REV3L: variants seen among roughly 807,000 people sequenced by gnomAD.
REV3L encodes DNA polymerase zeta catalytic subunit.
REV3L carries 69 observed loss-of-function variants against 299.4 expected under a neutral mutation model. The observed-to-expected ratio is 0.23, with a 90% CI of 0.19 to 0.28. The LOEUF (loss-of-function observed/expected upper bound fraction) is 0.28. REV3L is among the 10% of genes least tolerant of loss of function. The probability of loss-of-function intolerance (pLI) is 1.00; values close to 1 mark genes in which losing one functional copy is unlikely to be tolerated. For synonymous variants in REV3L, 1,238 were observed against 1,271.4 expected (o/e 0.97, Z 0.56); for missense variants, 3,128 against 3,693.8 (o/e 0.85, Z 3.97).
intron 1 of REV3L, among the ~76,000 whole-genome samples, chr6:111,440,226 T>G (rs184521723): frequency 6.6e-6 from 1 of 152,050 alleles, no homozygotes; most frequent in Non-Finnish European, 1.5e-5. Context: ...TGCGCCACCA[T>G]GCCCGGCTAA....
rs1228032232 is a variant in REV3L, at chr6:111,408,638, AAAACAAAAC to A, written c.404+2833_404+2841del. On this transcript the variant is annotated intron_variant, in intron 3 of 31. Coordinates refer to ENST00000368802, the MANE Select transcript of REV3L (RefSeq NM_001372078.1). Reference sequence around the variant, plus strand: ...AAAACAAAACAAAACAAAACAAAACAAAACAAAACAAAAACAACATTATTGAGAACACTA... The same window carrying A: ...AAAACAAAACAAAACAAAACAAAACAAAAAACAACATTATTGAGAACACTA... 2.5e-3 allele frequency among the ~76,000 whole-genome samples: 373 copies of A among 150,996 alleles called. 10 individuals are homozygous for A. The East Asian group carries it at 0.051, about 20-fold the overall frequency.
chr6:111,354,229 C>T (rs572483937), intron 18 of REV3L: 17 of 152,288 alleles, frequency 1.1e-4, no homozygotes, highest in African/African-American at 3.9e-4. Flanking sequence ...CTTCTAATTT[C>T]TTCATCTGAA....
At chr6:111,451,902 A>AAAAGATAC (rs1209325699) in intron 1 of REV3L, among the ~76,000 whole-genome samples, 2 of 152,134 alleles carry the variant, frequency 1.3e-5, no homozygotes, top group East Asian at 3.8e-4. Context: ...TTGACTCTTC[A>AAAAGATAC]AAAGATACCA....
In REV3L at chr6:111,300,166, TAA is replaced by T. The variant is rs1771319727; in HGVS notation, c.9253-12_9253-11del. ...TACAGTTCTTGCATATCTGAAAGCATAAGAGAAATACAAAAAATAATAGGAAA... is the reference window on the plus strand; with the variant it reads ...TACAGTTCTTGCATATCTGAAAGCATGAGAAATACAAAAAATAATAGGAAA... On this transcript the variant is annotated splice_polypyrimidine_tract_variant and intron_variant, in intron 31 of 31. Transcript: ENST00000368802. 6.4e-7 allele frequency: 1 copy of T among 1,552,140 alleles called. No individual in the cohort carries two copies. Among genetic ancestry groups the T allele is most frequent in the Non-Finnish European group, 8.7e-7 (1 of 1,154,424 alleles).
chr6:111,454,998 A>G (rs1790003889), intron 1 of REV3L, among the ~76,000 whole-genome samples: 1 of 152,170 alleles, frequency 6.6e-6, no homozygotes, highest in Admixed American at 6.5e-5. Context: ...TGTGTAGGCA[A>G]TAAGCACTAA....
chr6:111,474,072 T>C (rs984905443), intron 1 of REV3L, among the ~76,000 whole-genome samples: 17 of 152,202 alleles, frequency 1.1e-4, no homozygotes, highest in Non-Finnish European at 4.4e-5. Flanking sequence ...AATTATCATA[T>C]TTTCTAATTA....
chr6:111,479,700 T>C (rs1044501978), intron 1 of REV3L, among the ~76,000 whole-genome samples: 3 of 151,968 alleles, frequency 2.0e-5, no homozygotes, highest in Admixed American at 6.6e-5. Context: ...TTTGTTTGTT[T>C]TGTACAGACT....
chr6:111,356,048 T>C (rs1332646676), intron 18 of REV3L, among the ~76,000 whole-genome samples: 1 of 152,210 alleles, frequency 6.6e-6, no homozygotes. Context: ...TTAACCCATC[T>C]GGGATTCAAT....
At chr6:111,345,484 A>G (rs1223722451) in intron 20 of REV3L, among the ~76,000 whole-genome samples, 1 of 152,208 alleles carries the variant, frequency 6.6e-6, no homozygotes, top group Non-Finnish European at 1.5e-5. Flanking sequence ...ATGTGGGAAG[A>G]AAATAAAGAT....
At position 111,367,709 on chromosome 6, in the gene REV3L, G is replaced by A; in HGVS notation, c.6079C>T (p.Pro2027Ser). ...ERSKKLPKTK[P>S]TGVVKSAENF... ...TCAGCAGATTTTACAACTCCAGTTG[G>A]CTTGGTTTTAGGCAGTTTCTTGGAA... The change falls in exon 14 of 32, where the codon CCA becomes TCA. Residue 2027 changes from proline to serine, a missense_variant. By Grantham distance (74) the Pro-to-Ser change is moderately conservative. Around this residue, in one of 9 missense-constraint regions of REV3L, gnomAD observed 2,409 missense variants for 2,611.8 expected, o/e 0.92. Coordinates refer to ENST00000368802, the MANE Select transcript of REV3L (RefSeq NM_001372078.1). The A allele has an allele frequency of 6.2e-7, 1 of 1,614,150 alleles. No individual in the cohort carries two copies. Among genetic ancestry groups the A allele is most frequent in the South Asian group, 1.1e-5 (1 of 91,086 alleles).
chr6:111,328,972 G>A (rs1407569253), intron 25 of REV3L, among the ~76,000 whole-genome samples: 1 of 152,132 alleles, frequency 6.6e-6, no homozygotes, highest in African/African-American at 2.4e-5. Flanking sequence ...TCACCATGTT[G>A]CCCAGGCTGG....
At position 111,375,122 on chromosome 6, in the gene REV3L, T is replaced by C; in HGVS notation, c.3233A>G (p.Lys1078Arg). 1 of 1,609,698 alleles carries C rather than the reference T, an allele frequency of 6.2e-7. No individual in the cohort carries two copies. Among genetic ancestry groups the C allele is most frequent in the Non-Finnish European group, 8.5e-7 (1 of 1,178,890 alleles). The change falls in exon 13 of 32, where the codon AAA becomes AGA. Residue 1078 changes from lysine to arginine, a missense_variant. Transcript: ENST00000368802. ...ENIKRTLSFR[K>R]KRSHAILSPP... is the part of the protein sequence containing the mutation. The stretch of plus-strand genomic sequence containing the variant: ...AGAAAGAATAGCATGTGACCGTTTT[T>C]TCCTGAAAGACAAAGTTCTTTTAAT...
At chr6:111,467,816 C>T (rs1791690728) in intron 1 of REV3L, among the ~76,000 whole-genome samples, 1 of 152,086 alleles carries the variant, frequency 6.6e-6, no homozygotes, top group Non-Finnish European at 1.5e-5. Context: ...ACGAATCCCT[C>T]ACAGATACTA....
chr6:111,322,452 T>G, intron 26 of REV3L, 117 bp downstream of exon 26: 2 of 736,122 alleles, frequency 2.7e-6, no homozygotes, highest in Non-Finnish European at 4.8e-6. Context: ...TCGTAAGGAC[T>G]GGAAAGGACT....
intron 1 of REV3L, among the ~76,000 whole-genome samples, chr6:111,419,047 T>G (rs1029492685): frequency 6.6e-6 from 1 of 152,162 alleles, no homozygotes; most frequent in Non-Finnish European, 1.5e-5. Context: ...CATGGGTGTG[T>G]GGGGTTGAGA....
Position 111,375,422 on chromosome 6 carries a change from T to C in REV3L, c.2933A>G (p.Tyr978Cys). 1 of 1,598,708 alleles carries C rather than the reference T, an allele frequency of 6.3e-7. No homozygotes were observed. Among genetic ancestry groups the C allele is most frequent in the Non-Finnish European group, 8.5e-7 (1 of 1,175,204 alleles). Residue 978 changes from tyrosine (Y) to cysteine (C), a missense_variant, in exon 13 of 32, where the codon TAT becomes TGT. Physicochemically the swap from Tyr to Cys is radical, Grantham distance 194 (BLOSUM62 -2). Transcript: ENST00000368802. ...CCCTCTAAATCTATTAATAATAATA[T>C]ACTTTATGATGACAGGGGGCAGCTT... ...SKKLPPVIIK[Y>C]IIINRFRGRK...
chr6:111,434,459 A>C (rs1222148027), intron 1 of REV3L, among the ~76,000 whole-genome samples: 1 of 147,476 alleles, frequency 6.8e-6, no homozygotes, highest in African/African-American at 2.5e-5. Context: ...ATAAAAATAC[A>C]AAAAAAAAAA....
chr6:111,444,507 G>T (rs1454328316), intron 1 of REV3L, among the ~76,000 whole-genome samples: 1 of 152,026 alleles, frequency 6.6e-6, no homozygotes, highest in Non-Finnish European at 1.5e-5. Context: ...AATATATAAA[G>T]AACTCCTACA....
At position 111,373,991 on chromosome 6, in the gene REV3L, G is replaced by A. The variant is rs1780048649; in HGVS notation, c.4364C>T (p.Pro1455Leu). ...CAAGGAAGTTACAAAGCAATTATTAGGCATTTGGCTTTCCTCTGAAGCTGT... is the reference window on the plus strand; with the variant it reads ...CAAGGAAGTTACAAAGCAATTATTAAGCATTTGGCTTTCCTCTGAAGCTGT... ...GNTASEESQM[P>L]NNCFVTSLRS... Residue 1455 changes from proline to leucine, a missense_variant, in exon 13 of 32, where the codon CCT (proline) becomes CTT (leucine). Physicochemically the swap from Pro to Leu is moderately conservative, Grantham distance 98. Coordinates refer to ENST00000368802, the MANE Select transcript of REV3L (RefSeq NM_001372078.1). The A allele has an allele frequency of 6.2e-7, 1 of 1,614,086 alleles. No individual in the cohort carries two copies. Among genetic ancestry groups the A allele is most frequent in the East Asian group, 2.2e-5 (1 of 44,880 alleles).
Sources: gnomAD v4.1 joint callset for allele counts (sites outside exome capture counted in the v4.1 genomes callset) on GRCh38, gnomAD v4.1.1 for gene constraint, gnomAD v4.1.1 regional missense constraint, MANE v1.5 for transcripts, NCBI Gene and HGNC (gene_info 2026-07-23, HGNC 2026-07-21) for gene names.